Variants in TMEM170B observed in about 807,000 individuals in gnomAD.
TMEM170B encodes the protein transmembrane protein 170B.
Under a neutral mutation model 13.0 loss-of-function variants are expected in TMEM170B, and 6 were observed. The observed-to-expected ratio is 0.46, with a 90% confidence interval of 0.25 to 0.91. The LOEUF (loss-of-function observed/expected upper bound fraction) is 0.91, where lower values mean the gene tolerates loss of function less well. Ranked by LOEUF, TMEM170B falls within the 40% of genes least tolerant of loss-of-function variation. The pLI is 0.17. For synonymous variants in TMEM170B, 61 were observed against 64.9 expected (o/e 0.94, Z 0.29); for missense variants, 138 against 165.2 (o/e 0.84, Z 0.90).
At chr6:11,569,579 T>C (rs1020236221) in intron 2 of TMEM170B, among the ~76,000 whole-genome samples, 1 of 152,200 alleles carries the variant, frequency 6.6e-6, no homozygotes, top group Non-Finnish European at 1.5e-5. Flanking sequence ...GCCATAGACA[T>C]ATGTAAATGA....
intron 1 of TMEM170B, among the ~76,000 whole-genome samples, chr6:11,548,479 G>A (rs1482185467): frequency 1.3e-5 from 2 of 152,120 alleles, no homozygotes; most frequent in African/African-American, 4.8e-5. Flanking sequence ...CTGTTGGTGG[G>A]ACTGTAAACT....
rs905489800 is a variant in TMEM170B at position 11,575,011 on chromosome 6, GA to G, written c.269-417del. On this transcript the variant is annotated intron_variant, in intron 2 of 2. Coordinates refer to ENST00000379426, the MANE Select transcript of TMEM170B (RefSeq NM_001100829.3). The surrounding 1 kb of genome is among the most constrained non-coding windows in gnomAD (Gnocchi z 4.1). ...TATTAAAATATTTATTAATAATTTA[GA>G]AATTACATTAAATTATGTTATTTTT... Among the ~76,000 whole-genome samples the G allele has an allele frequency of 3.3e-4, 50 of 151,828 alleles. No individual in the cohort carries two copies. Among genetic ancestry groups the G allele is most frequent in the Non-Finnish European group, 1.0e-4 (7 of 67,946 alleles).
At chr6:11,555,315 T>C (rs1759573677) in intron 1 of TMEM170B, among the ~76,000 whole-genome samples, 1 of 152,168 alleles carries the variant, frequency 6.6e-6, no homozygotes, top group South Asian at 2.1e-4. Flanking sequence ...ACCCTCAGTA[T>C]TTTCCCTTTA....
rs1759298165 is a variant in TMEM170B, at chr6:11,537,750, C to T, written c.-528C>T. Among the ~76,000 whole-genome samples, 1 of 151,648 alleles carries T rather than the reference C, an allele frequency of 6.6e-6. No homozygotes were observed. Among genetic ancestry groups the T allele is most frequent in the South Asian group, 2.1e-4 (1 of 4,824 alleles). ...CGGCTGCGGGTGGAGGGGGCGGTTCCTCGAGTGTCGGCGACCCGAGGGCGG... is the reference window on the plus strand; with the variant it reads ...CGGCTGCGGGTGGAGGGGGCGGTTCTTCGAGTGTCGGCGACCCGAGGGCGG... On this transcript the variant is annotated 5_prime_UTR_variant, in exon 1 of 3. Coordinates refer to ENST00000379426, the MANE Select transcript of TMEM170B (RefSeq NM_001100829.3).
rs374637010 is a variant in TMEM170B, at chr6:11,553,101, T to G, written c.98-12565T>G. On this transcript the variant is annotated intron_variant, in intron 1 of 2. Transcript: ENST00000379426. ...AGAGGTGTCTATTTTGATCTCAAAG[T>G]ATATATGGGGGATTGATTCTAGGAC... Among the ~76,000 whole-genome samples, 8 of 152,290 alleles carry G rather than the reference T, an allele frequency of 5.3e-5. No homozygotes were observed. In the East Asian group the frequency reaches 1.3e-3, roughly 26 times the overall value.
At chr6:11,552,376 T>G (rs188418922) in intron 1 of TMEM170B, among the ~76,000 whole-genome samples, 1,589 of 152,328 alleles carry the variant, frequency 0.01, 10 homozygotes, top group Middle Eastern at 0.02. Flanking sequence ...TCTTCATTTG[T>G]ATGCAGTATT....
In TMEM170B at chr6:11,582,335, T is replaced by C. The variant is rs1759967808; in HGVS notation, c.*6774T>C. ...TTAGTGCCTTGAAAGTTAAGATACT[T>C]GTGCAAAATGGATTTAGCAAGATTC... On this transcript the variant is annotated 3_prime_UTR_variant, in exon 3 of 3. Coordinates refer to ENST00000379426, the MANE Select transcript of TMEM170B (RefSeq NM_001100829.3). The C allele has an allele frequency of 6.6e-6, 1 of 152,156 alleles. No individual in the cohort carries two copies. The highest frequency in any genetic ancestry group is 1.5e-5 in the Non-Finnish European group (1 of 67,998). 9.4% of individuals were successfully genotyped at this position (152,156 alleles called of 1,614,324 possible). A position where few individuals can be genotyped will look rare whatever the true frequency, so the allele number is the denominator to read the frequency against.
At chr6:11,551,751 G>T (rs950815537) in intron 1 of TMEM170B, among the ~76,000 whole-genome samples, 1 of 152,108 alleles carries the variant, frequency 6.6e-6, no homozygotes. Flanking sequence ...AGTTCAGGAA[G>T]AACCAGGCAA....
intron 1 of TMEM170B, among the ~76,000 whole-genome samples, chr6:11,546,035 A>T (rs1759435843): frequency 1.4e-5 from 2 of 147,572 alleles, no homozygotes; most frequent in African/African-American, 2.5e-5. Flanking sequence ...AAAAAAAAAA[A>T]GGCAAGCTGT....
chr6:11,554,145 C>T (rs1402272239), intron 1 of TMEM170B, among the ~76,000 whole-genome samples: 2 of 151,792 alleles, frequency 1.3e-5, no homozygotes, highest in Admixed American at 6.6e-5. Context: ...AAGTTATGCT[C>T]GTTGGTGTAA....
intron 2 of TMEM170B, among the ~76,000 whole-genome samples, chr6:11,571,570 T>A (rs529056339): frequency 6.6e-6 from 1 of 152,300 alleles, no homozygotes; most frequent in East Asian, 1.9e-4. Flanking sequence ...TTTGCCACTG[T>A]TGACAGTGGC....
Position 11,568,593 on chromosome 6 carries a change from T to C in TMEM170B, c.268+2757T>C, listed in dbSNP as rs1404038128. ...CCAGTGATTTTAGAAACTGCAGTGT[T>C]ATATTTTTAAATCCTTAAAAATGTA... On this transcript the variant is annotated intron_variant, in intron 2 of 2. Coordinates refer to ENST00000379426, the MANE Select transcript of TMEM170B (RefSeq NM_001100829.3). Among the ~76,000 whole-genome samples the C allele has an allele frequency of 2.0e-5, 3 of 152,336 alleles. No homozygotes were observed. The East Asian group carries it at 5.8e-4, about 29-fold the overall frequency.
intron 1 of TMEM170B, among the ~76,000 whole-genome samples, chr6:11,545,004 T>C (rs1314015883): frequency 1.3e-5 from 2 of 152,078 alleles, no homozygotes; most frequent in Admixed American, 1.3e-4. Flanking sequence ...TCCATCTTAG[T>C]GTTCTGACCC....
At chr6:11,548,929 TG>T (rs1207371364) in intron 1 of TMEM170B, among the ~76,000 whole-genome samples, 3 of 44,848 alleles carry the variant, frequency 6.7e-5, no homozygotes, top group Admixed American at 2.4e-4. Context: ...TGTCATGGGG[TG>T]GGGGGAAGGG....
chr6:11,556,470 T>C (rs1423292484), intron 1 of TMEM170B, among the ~76,000 whole-genome samples: 1 of 152,046 alleles, frequency 6.6e-6, no homozygotes, highest in Non-Finnish European at 1.5e-5. Context: ...CACACTAGCC[T>C]CCCCCCAGTG....
chr6:11,554,382 C>A (rs1582141234), intron 1 of TMEM170B, among the ~76,000 whole-genome samples: 1 of 151,624 alleles, frequency 6.6e-6, no homozygotes, highest in East Asian at 1.9e-4. Context: ...ATACTAGATT[C>A]AGATTTTGAC....
chr6:11,538,359 C>T lies in TMEM170B; in HGVS notation c.82C>T (p.Leu28=). ...VLSLWAHGTV[L]RNLTEMWYWI... ...GAGCCTCTGGGCCCACGGGACGGTG[C>T]TGAGGAACCTCACGGGTAATTGACG... is the stretch of plus-strand genomic sequence containing the variant. Residue 28 remains leucine (L), a synonymous_variant, in exon 1 of 3, where the codon CTG becomes TTG. Coordinates refer to ENST00000379426, the MANE Select transcript of TMEM170B (RefSeq NM_001100829.3). The T allele has an allele frequency of 2.6e-6, 4 of 1,514,932 alleles. No individual in the cohort carries two copies. Among genetic ancestry groups the T allele is most frequent in the Non-Finnish European group, 8.8e-7 (1 of 1,134,122 alleles). The allele number at this position is 1,514,932 out of a possible 1,614,324, so 93.8% of individuals were successfully genotyped here.
At chr6:11,544,506 T>C (rs1759405258) in intron 1 of TMEM170B, among the ~76,000 whole-genome samples, 1 of 152,194 alleles carries the variant, frequency 6.6e-6, no homozygotes, top group Non-Finnish European at 1.5e-5. Context: ...GAAAATGTAA[T>C]ATATTAGGCT....
At chr6:11,538,719 C>T (rs1759318732) in intron 1 of TMEM170B, among the ~76,000 whole-genome samples, 1 of 152,218 alleles carries the variant, frequency 6.6e-6, no homozygotes, top group Admixed American at 6.5e-5. Flanking sequence ...TACCCTCCTC[C>T]CCTCCCCCTT....
Sources: gnomAD v4.1 joint callset for allele counts (sites outside exome capture counted in the v4.1 genomes callset) on GRCh38, gnomAD v4.1.1 for gene constraint, Gnocchi (gnomAD v3.1) non-coding constraint, MANE v1.5 for transcripts, NCBI Gene and HGNC (gene_info 2026-07-23, HGNC 2026-07-21) for gene names.